Variants in SLC24A2 observed in about 807,000 individuals in gnomAD.
The protein encoded by SLC24A2 is solute carrier family 24 member 2, also known as sodium/potassium/calcium exchanger 2.
A neutral mutation model predicts 62.0 loss-of-function variants in SLC24A2; 36 were observed. That is an observed-to-expected ratio of 0.58 (90% CI 0.44 to 0.77). SLC24A2 has a LOEUF of 0.77. Among genes scored for constraint, SLC24A2 ranks in the 30% least tolerant of loss-of-function variants. The pLI is 0.00. For missense variants in SLC24A2, 846 were observed against 817.9 expected, an observed-to-expected ratio of 1.03 and a Z score of -0.42; for synonymous variants, 358 against 294.0, an observed-to-expected ratio of 1.22 and a Z score of -2.23.
chr9:19,570,147 TGATTA>T (rs1318827577), intron 7 of SLC24A2, among the ~76,000 whole-genome samples: 3 of 152,242 alleles, frequency 2.0e-5, no homozygotes, highest in Non-Finnish European at 4.4e-5. Context: ...CAAAATTTTC[TGATTA>T]GATAAACAAT....
chr9:20,126,086 T>C, the SLC24A2 span, among the ~76,000 whole-genome samples: 1 of 152,160 alleles, frequency 6.6e-6, no homozygotes, highest in Admixed American at 6.5e-5. Flanking sequence ...GTTTTTTTTG[T>C]GTGTGTAGAT....
chr9:19,583,553 T>C (rs1357024677), intron 5 of SLC24A2, among the ~76,000 whole-genome samples: 1 of 152,176 alleles, frequency 6.6e-6, no homozygotes, highest in African/African-American at 2.4e-5. Context: ...CAAATCCTTG[T>C]GTTCATGGTT....
chr9:20,279,952 A>T, the SLC24A2 span, among the ~76,000 whole-genome samples: 41 of 152,308 alleles, frequency 2.7e-4, no homozygotes, highest in African/African-American at 9.9e-4. Context: ...GGACTTTGAG[A>T]TTCAGCTTAC....
chr9:19,532,437 T>C (rs925247617), intron 8 of SLC24A2, among the ~76,000 whole-genome samples: 1 of 152,210 alleles, frequency 6.6e-6, no homozygotes, highest in African/African-American at 2.4e-5. Context: ...TGAGGCCGAA[T>C]AGAATGTAAA....
chr9:19,682,363 A>T (rs896147003), intron 2 of SLC24A2, among the ~76,000 whole-genome samples: 3 of 152,142 alleles, frequency 2.0e-5, no homozygotes, highest in Non-Finnish European at 4.4e-5. Context: ...TGTAAGCCCA[A>T]CCGGGAGAAA....
chr9:19,785,304 G>A (rs915783055), intron 2 of SLC24A2, among the ~76,000 whole-genome samples: 4 of 152,192 alleles, frequency 2.6e-5, no homozygotes, highest in African/African-American at 9.7e-5. Flanking sequence ...TGCAAAGTGG[G>A]TCATTGTGAT....
At chr9:19,668,189 T>A (rs150641281) in intron 2 of SLC24A2, among the ~76,000 whole-genome samples, 5 of 152,282 alleles carry the variant, frequency 3.3e-5, no homozygotes, top group African/African-American at 1.2e-4. Context: ...TTACTCCTTA[T>A]CTTCCACTAC....
At chr9:19,547,299 C>T (rs893307960) in intron 8 of SLC24A2, among the ~76,000 whole-genome samples, 3 of 152,166 alleles carry the variant, frequency 2.0e-5, no homozygotes, top group Admixed American at 6.5e-5. Flanking sequence ...AGTAAAGCCC[C>T]GCTGGCTACC....
At chr9:19,945,994 C>A in the SLC24A2 span, among the ~76,000 whole-genome samples, 1 of 152,074 alleles carries the variant, frequency 6.6e-6, no homozygotes, top group East Asian at 1.9e-4. Flanking sequence ...AGATTGTCAC[C>A]CAAGGTCCCA....
the SLC24A2 span, among the ~76,000 whole-genome samples, chr9:20,073,288 C>G: frequency 6.6e-6 from 1 of 152,156 alleles, no homozygotes; most frequent in South Asian, 2.1e-4. Flanking sequence ...GAGAGGGTCT[C>G]TGGCTTCTTT....
chr9:19,962,213 A>G, the SLC24A2 span, among the ~76,000 whole-genome samples: 1 of 152,226 alleles, frequency 6.6e-6, no homozygotes, highest in East Asian at 1.9e-4. Flanking sequence ...GTTCTGTTCC[A>G]TTGATCTATA....
chr9:19,580,078 A>T (rs762720356), intron 5 of SLC24A2, among the ~76,000 whole-genome samples: 2 of 152,210 alleles, frequency 1.3e-5, no homozygotes, highest in Non-Finnish European at 2.9e-5. Context: ...GTGCTATTGA[A>T]CAGTAAGAGG....
chr9:20,228,201 G>A, the SLC24A2 span, among the ~76,000 whole-genome samples: 1 of 152,162 alleles, frequency 6.6e-6, no homozygotes, highest in East Asian at 1.9e-4. Flanking sequence ...ATGGAATTTG[G>A]AAATGCTTTG....
At chr9:19,562,253 A>T (rs866663876) in intron 7 of SLC24A2, among the ~76,000 whole-genome samples, 6 of 152,340 alleles carry the variant, frequency 3.9e-5, no homozygotes, top group Non-Finnish European at 7.3e-5. Flanking sequence ...ATAATTCAAA[A>T]ATCATTTCAT....
At chr9:19,906,513 C>G in the SLC24A2 span, among the ~76,000 whole-genome samples, 1 of 151,786 alleles carries the variant, frequency 6.6e-6, no homozygotes, top group African/African-American at 2.4e-5. Flanking sequence ...CACAAAAAAC[C>G]CTTCAAAAAA....
intron 2 of SLC24A2, among the ~76,000 whole-genome samples, chr9:19,703,935 A>C (rs2118544695): frequency 6.6e-6 from 1 of 152,336 alleles, no homozygotes; most frequent in Non-Finnish European, 1.5e-5. Flanking sequence ...CTCCTAAGGA[A>C]ATAATGATGG....
chr9:19,744,057 C>G (rs1793501554), intron 2 of SLC24A2, among the ~76,000 whole-genome samples: 1 of 152,120 alleles, frequency 6.6e-6, no homozygotes, highest in Non-Finnish European at 1.5e-5. Flanking sequence ...GGACCCCCCA[C>G]AGTATACCTC....
At chr9:19,981,485 T>A in the SLC24A2 span, among the ~76,000 whole-genome samples, 1 of 152,238 alleles carries the variant, frequency 6.6e-6, no homozygotes, top group Non-Finnish European at 1.5e-5. Flanking sequence ...ATATTTGCTC[T>A]AGCATTTTTG....
the SLC24A2 span, chr9:19,967,448 G>C: frequency 6.6e-6 from 1 of 152,198 alleles, no homozygotes; most frequent in South Asian, 2.1e-4. Context: ...TTGGTCTTCT[G>C]AGTCTATATT....
Sources: gnomAD v4.1 joint callset for allele counts (sites outside exome capture counted in the v4.1 genomes callset) on GRCh38, gnomAD v4.1.1 for gene constraint, MANE v1.5 for transcripts, NCBI Gene and HGNC (gene_info 2026-07-23, HGNC 2026-07-21) for gene names.